ELAPOR2: variants seen among roughly 807,000 people sequenced by gnomAD.
ELAPOR2 encodes endosome-lysosome associated apoptosis and autophagy regulator family member 2, also known as endosome/lysosome-associated apoptosis and autophagy regulator family member 2.
ELAPOR2 carries 89 observed loss-of-function variants against 120.7 expected under a neutral mutation model. That is an observed-to-expected ratio of 0.74 (90% CI 0.62 to 0.88). The LOEUF (loss-of-function observed/expected upper bound fraction) is 0.88. Among genes scored for constraint, ELAPOR2 ranks in the 40% least tolerant of loss-of-function variants. The pLI, the probability that ELAPOR2 is intolerant of heterozygous loss-of-function variation, is 0.00. For missense variants in ELAPOR2, 1,134 were observed against 1,251.6 expected (o/e 0.91, Z 1.42); for synonymous variants, 444 against 444.9 (o/e 1.00, Z 0.03).
chr7:86,927,969 G>T (rs553997505), intron 8 of ELAPOR2, among the ~76,000 whole-genome samples: 59 of 152,072 alleles, frequency 3.9e-4, no homozygotes, highest in Non-Finnish European at 6.8e-4. Flanking sequence ...TTTCCAGTTA[G>T]TAGAAAATCA....
chr7:86,925,763 G>A, intron 9 of ELAPOR2, 107 bp from the exon 10 acceptor site: 4 of 1,017,168 alleles, frequency 3.9e-6, no homozygotes, highest in Non-Finnish European at 4.4e-6. Context: ...GAGAGAAGTG[G>A]AAAAAAAAGA....
intron 21 of ELAPOR2, among the ~76,000 whole-genome samples, chr7:86,884,209 T>G (rs1799580123): frequency 6.6e-6 from 1 of 152,148 alleles, no homozygotes; most frequent in Non-Finnish European, 1.5e-5. Flanking sequence ...GGAAGAAAAC[T>G]TTTTTATACT....
intron 10 of ELAPOR2, among the ~76,000 whole-genome samples, chr7:86,922,505 T>C (rs998622878): frequency 6.6e-6 from 1 of 152,060 alleles, no homozygotes; most frequent in Admixed American, 6.6e-5. Context: ...GTGATGTTTC[T>C]TTTCACTTTC....
chr7:87,054,134 A>T (rs1795194885), intron 1 of ELAPOR2, among the ~76,000 whole-genome samples: 1 of 152,210 alleles, frequency 6.6e-6, no homozygotes, highest in Non-Finnish European at 1.5e-5. Flanking sequence ...ACACATGATG[A>T]AAGGCAAAAA....
chr7:87,011,236 C>T (rs1304610057), intron 1 of ELAPOR2, among the ~76,000 whole-genome samples: 2 of 128,278 alleles, frequency 1.6e-5, no homozygotes, highest in East Asian at 2.2e-4. Flanking sequence ...GGCGACAGAG[C>T]GAGACTCCAT....
intron 1 of ELAPOR2, among the ~76,000 whole-genome samples, chr7:87,014,568 C>T (rs1793808123): frequency 6.6e-6 from 1 of 152,158 alleles, no homozygotes; most frequent in Non-Finnish European, 1.5e-5. Context: ...TCAATAAACA[C>T]AATCACAATG....
At chr7:87,015,343 T>G (rs1342871398) in intron 1 of ELAPOR2, among the ~76,000 whole-genome samples, 1 of 152,248 alleles carries the variant, frequency 6.6e-6, no homozygotes, top group African/African-American at 2.4e-5. Flanking sequence ...GTTATTGGCT[T>G]TAGACATTAT....
intron 9 of ELAPOR2, among the ~76,000 whole-genome samples, chr7:86,925,894 A>G (rs1790045233): frequency 6.6e-6 from 1 of 152,050 alleles, no homozygotes; most frequent in Non-Finnish European, 1.5e-5. Flanking sequence ...AAGGAAAAGG[A>G]CAGAAACAAA....
At chr7:87,019,127 G>T (rs193171358) in intron 1 of ELAPOR2, among the ~76,000 whole-genome samples, 1 of 152,188 alleles carries the variant, frequency 6.6e-6, no homozygotes, top group Admixed American at 6.5e-5. Flanking sequence ...ATTTCTAACA[G>T]ATTGTCAAGA....
chr7:87,005,885 T>C (rs534772365), intron 1 of ELAPOR2, among the ~76,000 whole-genome samples: 2 of 152,198 alleles, frequency 1.3e-5, no homozygotes, highest in South Asian at 4.1e-4. Flanking sequence ...AAATACAGAA[T>C]GCAATAATTA....
At chr7:86,982,976 G>T (rs1024537391) in intron 1 of ELAPOR2, among the ~76,000 whole-genome samples, 1 of 152,204 alleles carries the variant, frequency 6.6e-6, no homozygotes, top group East Asian at 1.9e-4. Context: ...AAAAAACAGT[G>T]TAGAGAAGAC....
chr7:86,923,746 TTTTGTAAACA>T (rs1258356400), intron 10 of ELAPOR2, among the ~76,000 whole-genome samples: 1 of 152,104 alleles, frequency 6.6e-6, no homozygotes, highest in African/African-American at 2.4e-5. Context: ...GTAATATAAC[TTTTGTAAACA>T]TTATCCTATT....
At chr7:87,013,821 C>T (rs1793773717) in intron 1 of ELAPOR2, among the ~76,000 whole-genome samples, 1 of 152,148 alleles carries the variant, frequency 6.6e-6, no homozygotes, top group African/African-American at 2.4e-5. Context: ...GCAAATTTTA[C>T]TTGCTAAAAT....
At position 86,947,737 on chromosome 7, in the gene ELAPOR2, C is replaced by T. The variant is rs759884347; in HGVS notation, c.496G>A (p.Gly166Ser). 7.7e-6 allele frequency: 12 copies of T among 1,551,036 alleles called. No individual in the cohort carries two copies. Among genetic ancestry groups the T allele is most frequent in the Non-Finnish European group, 7.8e-6 (9 of 1,146,574 alleles). The stretch of plus-strand genomic sequence containing the variant: ...GCTTTGGATTCTTACTTGTTACAGC[C>T]GTCTGGCCTGCTGTCAGAAGGGCCC... ...VVGPSDSRPD[G>S]CNNSSWIPRG... Residue 166 changes from glycine to serine, a missense_variant, in exon 3 of 22, where the codon GGC (glycine) becomes AGC (serine). Transcript: ENST00000450689.
At chr7:87,022,685 A>C (rs894318637) in intron 1 of ELAPOR2, among the ~76,000 whole-genome samples, 4 of 151,474 alleles carry the variant, frequency 2.6e-5, no homozygotes, top group African/African-American at 9.7e-5. Flanking sequence ...ACTAGTTTAC[A>C]GTCCCACCAA....
intron 1 of ELAPOR2, among the ~76,000 whole-genome samples, chr7:86,999,263 T>A (rs186353690): frequency 6.6e-6 from 1 of 152,188 alleles, no homozygotes; most frequent in African/African-American, 2.4e-5. Context: ...GTATTCCGTA[T>A]TTTGATCTGC....
At chr7:86,899,249 T>A (rs1788601007) in intron 18 of ELAPOR2, among the ~76,000 whole-genome samples, 1 of 152,144 alleles carries the variant, frequency 6.6e-6, no homozygotes, top group South Asian at 2.1e-4. Flanking sequence ...GTGTACAGAA[T>A]CCTTACTGAT....
At chr7:86,899,808 T>A (rs1562906110) in intron 18 of ELAPOR2, among the ~76,000 whole-genome samples, 1 of 151,866 alleles carries the variant, frequency 6.6e-6, no homozygotes, top group Non-Finnish European at 1.5e-5. Context: ...AAATAGTGAC[T>A]CTGGGGAAAA....
intron 16 of ELAPOR2, among the ~76,000 whole-genome samples, chr7:86,909,212 GCC>G (rs1026043387): frequency 1.8e-4 from 28 of 151,820 alleles, no homozygotes; most frequent in African/African-American, 6.3e-4. Context: ...CTCAAATCTG[GCC>G]ACACATCCGA....
Sources: allele counts gnomAD v4.1 joint callset (sites outside exome capture counted in the v4.1 genomes callset), GRCh38; gene constraint gnomAD v4.1.1; transcripts MANE v1.5; gene names NCBI Gene and HGNC (gene_info 2026-07-23, HGNC 2026-07-21).